STK38L: variants seen among roughly 807,000 people sequenced by gnomAD.
The protein encoded by STK38L is serine/threonine-protein kinase 38-like.
In STK38L, 28 loss-of-function variants were observed where a neutral mutation model predicts 59.7. The observed-to-expected ratio is 0.47, with a 90% CI of 0.35 to 0.64. The LOEUF (loss-of-function observed/expected upper bound fraction) is 0.64, where lower values mean the gene tolerates loss of function less well. STK38L is among the 30% of genes least tolerant of loss of function. STK38L has a pLI of 0.01. For missense variants in STK38L, 314 were observed against 555.8 expected, an observed-to-expected ratio of 0.56 and a Z score of 4.37; for synonymous variants, 162 against 176.8, an observed-to-expected ratio of 0.92 and a Z score of 0.66.
At chr12:27,269,045 A>C (rs1565529202) in intron 1 of STK38L, among the ~76,000 whole-genome samples, 1 of 152,208 alleles carries the variant, frequency 6.6e-6, no homozygotes, top group Admixed American at 6.5e-5. Flanking sequence ...GTAGATTGCA[A>C]AAATTTTTTC....
intron 1 of STK38L, among the ~76,000 whole-genome samples, chr12:27,273,986 G>A (rs947110807): frequency 6.6e-6 from 1 of 152,024 alleles, no homozygotes; most frequent in African/African-American, 2.4e-5. Flanking sequence ...CGGGTGCGGT[G>A]GTTCACGCCT....
chr12:27,289,352 G>GT (rs769016524), intron 1 of STK38L, among the ~76,000 whole-genome samples: 1 of 151,868 alleles, frequency 6.6e-6, no homozygotes, highest in South Asian at 2.1e-4. Flanking sequence ...CTCATTGCAA[G>GT]TTTTAAAAAA....
intron 3 of STK38L, 143 bp downstream of exon 3, chr12:27,302,331 A>T (rs1003455346): frequency 1.1e-5 from 7 of 610,130 alleles, no homozygotes; most frequent in Admixed American, 9.1e-5. Context: ...GATATCTTTT[A>T]TTGATATCTT....
chr12:27,264,491 T>C (rs999950398), intron 1 of STK38L, among the ~76,000 whole-genome samples: 4 of 152,236 alleles, frequency 2.6e-5, no homozygotes, highest in African/African-American at 7.2e-5. Flanking sequence ...GAAAAAGTTA[T>C]GCATTTACCT....
At chr12:27,317,308 G>T (rs1944609909) in intron 9 of STK38L, 28 bp from the exon 10 acceptor site, 2 of 1,497,136 alleles carry the variant, frequency 1.3e-6, no homozygotes, top group South Asian at 2.4e-5. Flanking sequence ...TGTTAAGAAT[G>T]CTGGTTTGAC....
At chr12:27,319,804 G>A (rs541960486) in intron 12 of STK38L, among the ~76,000 whole-genome samples, 97 of 152,132 alleles carry the variant, frequency 6.4e-4, no homozygotes, top group Non-Finnish European at 1.1e-3. Flanking sequence ...CTCTTTAAAC[G>A]GTGGTTGGGC....
intron 2 of STK38L, among the ~76,000 whole-genome samples, chr12:27,299,063 A>G (rs1055057050): frequency 2.0e-5 from 3 of 152,220 alleles, no homozygotes; most frequent in Non-Finnish European, 2.9e-5. Context: ...AATTGTGACA[A>G]CAACAACAGA....
At chr12:27,277,780 C>A (rs1220662962) in intron 1 of STK38L, among the ~76,000 whole-genome samples, 3 of 151,300 alleles carry the variant, frequency 2.0e-5, no homozygotes, top group Non-Finnish European at 4.4e-5. Flanking sequence ...CCTGTTTATT[C>A]AAGTAAAATT....
intron 3 of STK38L, chr12:27,302,403 C>A: frequency 2.8e-6 from 1 of 358,414 alleles, no homozygotes; most frequent in Non-Finnish European, 5.0e-6. Context: ...GAGAACATTG[C>A]CAAGTGTATT....
chr12:27,322,627 C>A lies in STK38L; in HGVS notation c.*172C>A. The A allele has an allele frequency of 1.3e-6, 1 of 768,148 alleles. No individual in the cohort carries two copies. Among genetic ancestry groups the A allele is most frequent in the Non-Finnish European group, 1.9e-6 (1 of 537,254 alleles). The allele number at this position is 768,148 out of a possible 1,614,324, so 47.6% of individuals were successfully genotyped here. ...TAAGACTACTATAGGAATTGGTTGG[C>A]AGTGCCAGCTGGCTCTTTTTTTTAA... On this transcript the variant is annotated 3_prime_UTR_variant, in exon 14 of 14. Coordinates refer to ENST00000389032, the MANE Select transcript of STK38L (RefSeq NM_015000.4).
intron 1 of STK38L, among the ~76,000 whole-genome samples, chr12:27,244,669 C>A (rs951135292): frequency 1.3e-5 from 2 of 152,200 alleles, no homozygotes; most frequent in Non-Finnish European, 2.9e-5. Flanking sequence ...TGTCGCGGAT[C>A]CTCTCCGGGT....
chr12:27,289,228 G>C lies in STK38L; in HGVS notation c.-11-8482G>C, dbSNP rs552488916. On this transcript the variant is annotated intron_variant, in intron 1 of 13. Coordinates refer to ENST00000389032, the MANE Select transcript of STK38L (RefSeq NM_015000.4). ...TTTCTGAATGTTTTTGAGAAAGACA[G>C]GGTGATAGTTTATCTAAACATTAAG... is the stretch of plus-strand genomic sequence containing the variant. 5.9e-5 allele frequency among the ~76,000 whole-genome samples: 9 copies of C among 152,236 alleles called. No homozygotes were observed. In the East Asian group the frequency reaches 1.2e-3, roughly 20 times the overall value.
intron 1 of STK38L, among the ~76,000 whole-genome samples, chr12:27,278,856 C>T (rs1478783956): frequency 6.6e-6 from 1 of 152,178 alleles, no homozygotes; most frequent in East Asian, 1.9e-4. Flanking sequence ...TTAAATCATG[C>T]TTTTCCTCTT....
At chr12:27,307,824 A>G (rs975973975) in intron 3 of STK38L, among the ~76,000 whole-genome samples, 2 of 152,126 alleles carry the variant, frequency 1.3e-5, no homozygotes, top group African/African-American at 4.8e-5. Flanking sequence ...ATTTTCAGGA[A>G]GTTCTATGCC....
intron 1 of STK38L, among the ~76,000 whole-genome samples, chr12:27,247,499 A>G (rs909152895): frequency 6.6e-6 from 1 of 152,210 alleles, no homozygotes; most frequent in Admixed American, 6.5e-5. Flanking sequence ...TTGACATGTT[A>G]TTTTAATCCA....
chr12:27,300,678 A>C (rs376354221), intron 2 of STK38L: 2 of 450,578 alleles, frequency 4.4e-6, no homozygotes, highest in East Asian at 7.0e-5. Context: ...GAAATAATGC[A>C]TAAACAAAAG....
chr12:27,293,562 C>T (rs1943942512), intron 1 of STK38L: 1 of 151,828 alleles, frequency 6.6e-6, no homozygotes, highest in African/African-American at 2.4e-5. Flanking sequence ...AAAGTGACTT[C>T]CAGAATTTGA....
Position 27,280,040 on chromosome 12 carries a change from C to G in STK38L, c.-11-17670C>G, listed in dbSNP as rs148072817. Among the ~76,000 whole-genome samples the G allele has an allele frequency of 5.3e-5, 8 of 152,140 alleles. No individual in the cohort carries two copies. The South Asian group carries it at 1.0e-3, about 20-fold the overall frequency. On this transcript the variant is annotated intron_variant, in intron 1 of 13. Transcript: ENST00000389032. ...ACTGTAAAGATCAAAGAACAGCATG[C>G]GTGCCAAACCTTTAGTACTGTAGCT... is the stretch of plus-strand genomic sequence containing the variant.
At chr12:27,271,766 C>T (rs1943428307) in intron 1 of STK38L, among the ~76,000 whole-genome samples, 1 of 152,188 alleles carries the variant, frequency 6.6e-6, no homozygotes, top group African/African-American at 2.4e-5. Context: ...GTGGCACGAT[C>T]TCGTCTCACT....
Sources: gnomAD v4.1 joint callset for allele counts (sites outside exome capture counted in the v4.1 genomes callset) on GRCh38, gnomAD v4.1.1 for gene constraint, MANE v1.5 for transcripts, NCBI Gene and HGNC (gene_info 2026-07-23, HGNC 2026-07-21) for gene names.